The following ANKRD11 variants were observed in gnomAD, a reference collection of about 807,000 sequenced individuals.
ANKRD11 encodes ankyrin repeat domain-containing protein 11.
ANKRD11 carries 17 observed loss-of-function variants against 195.7 expected under a neutral mutation model. That is an observed-to-expected ratio of 0.09 (90% confidence interval 0.06 to 0.13). The LOEUF (loss-of-function observed/expected upper bound fraction) is 0.13. Ranked by LOEUF, ANKRD11 falls within the 10% of genes least tolerant of loss-of-function variation. ANKRD11 has a pLI of 1.00. For missense variants in ANKRD11, 3,735 were observed against 3,566.1 expected (o/e 1.05, Z -1.21); for synonymous variants, 1,953 against 1,528.1 (o/e 1.28, Z -6.49).
chr16:89,281,572 G>A lies in ANKRD11; in HGVS notation c.4970C>T (p.Ser1657Leu), dbSNP rs749114664. Reference protein sequence around the residue: ...PPFKDKKLKESTPIPPAAENK... With the variant: ...PPFKDKKLKELTPIPPAAENK... ...TTCCGCGGCAGGTGGAATAGGAGTCGACTCTTTGAGCTTTTTGTCTTTAAA... is the reference window on the plus strand; with the variant it reads ...TTCCGCGGCAGGTGGAATAGGAGTCAACTCTTTGAGCTTTTTGTCTTTAAA... The change falls in exon 9 of 13, where the codon TCG (serine) becomes TTG (leucine). Residue 1657 changes from serine (S) to leucine (L), a missense_variant. Coordinates refer to ENST00000301030, the MANE Select transcript of ANKRD11 (RefSeq NM_013275.6). The surrounding 1 kb of genome is among the most constrained non-coding windows in gnomAD (Gnocchi z 5.5). 1.1e-5 allele frequency: 18 copies of A among 1,614,058 alleles called. No homozygotes were observed. Among genetic ancestry groups the A allele is most frequent in the Middle Eastern group, 1.6e-4 (1 of 6,084 alleles).
intron 1 of ANKRD11, among the ~76,000 whole-genome samples, chr16:89,425,916 A>G (rs2042698419): frequency 6.6e-6 from 1 of 152,246 alleles, no homozygotes; most frequent in African/African-American, 2.4e-5. Flanking sequence ...GAATGTTCCC[A>G]AACAATTCTC....
rs909091797 is a variant in ANKRD11 at position 89,279,015 on chromosome 16, G to A, written c.7470+57C>T. On this transcript the variant is annotated intron_variant, in intron 9 of 12. Coordinates refer to ENST00000301030, the MANE Select transcript of ANKRD11 (RefSeq NM_013275.6). The surrounding 1 kb of genome is among the most constrained non-coding windows in gnomAD (Gnocchi z 5.6). Reference sequence around the variant, plus strand: ...CGGGCTGGAGGAAGCCGTGACTAGGGGCCCCAGACGCATCCCAGAGAGAGA... The same window carrying A: ...CGGGCTGGAGGAAGCCGTGACTAGGAGCCCCAGACGCATCCCAGAGAGAGA... 5 of 1,604,304 alleles carry A rather than the reference G, an allele frequency of 3.1e-6. No individual in the cohort carries two copies. The highest frequency in any genetic ancestry group is 4.3e-6 in the Non-Finnish European group (5 of 1,175,916).
intron 12 of ANKRD11, among the ~76,000 whole-genome samples, chr16:89,269,103 A>G (rs1438476605): frequency 2.6e-5 from 4 of 152,250 alleles, no homozygotes; most frequent in Admixed American, 2.0e-4. Context: ...GGGGTAGCAC[A>G]TATTTTGGAA....
At chr16:89,313,639 G>A (rs1325798733) in intron 3 of ANKRD11, 1 of 1,277,572 alleles carries the variant, frequency 7.8e-7, no homozygotes, top group African/African-American at 1.5e-5. Context: ...GGAGAAAAGG[G>A]AGTTTATGGT....
At chr16:89,384,362 C>T (rs2040797678) in intron 2 of ANKRD11, among the ~76,000 whole-genome samples, 1 of 152,188 alleles carries the variant, frequency 6.6e-6, no homozygotes, top group African/African-American at 2.4e-5. Flanking sequence ...GAAACCCCAT[C>T]TCTATGAAAA....
At chr16:89,300,713 GAA>G (rs1444241957) in intron 4 of ANKRD11, 1 of 539,536 alleles carries the variant, frequency 1.9e-6, no homozygotes, top group African/African-American at 2.0e-5. Flanking sequence ...ATGACGTCAG[GAA>G]AAGACTGAAG....
chr16:89,306,729 CCACCTCCCACTCCGCAGACACGCGCCACT>C lies in ANKRD11; in HGVS notation c.88-1414_88-1386del, dbSNP rs2036286000. Among the ~76,000 whole-genome samples, 41 of 12,680 alleles carry C rather than the reference CCACCTCCCACTCCGCAGACACGCGCCACT, an allele frequency of 3.2e-3. 2 individuals are homozygous for C. The highest frequency in any genetic ancestry group is 6.7e-3 in the African/African-American group (10 of 1,494). The allele number at this position is 12,680 out of a possible 152,430, so 8.3% of individuals were successfully genotyped here. A position where few individuals can be genotyped will look rare whatever the true frequency, so the allele number is the denominator to read the frequency against. On this transcript the variant is annotated intron_variant, in intron 3 of 12. Transcript: ENST00000301030. ...CTCCCACTCCGCAGACACGCGCCAC[CCACCTCCCACTCCGCAGACACGCGCCACT>C]TACCTCCCACTCCGCAGACACGCGC... is the stretch of plus-strand genomic sequence containing the variant.
rs2034392959 is a variant in ANKRD11 at position 89,283,037 on chromosome 16, CAGA to C, written c.3502_3504del (p.Ser1168del). ...TTCTGCCTCTCAGGGTGCTGCTTGT[CAGA>C]AGACTTCCTGTGTCTGTCGGAGGCA... On this transcript the variant is annotated inframe_deletion, in exon 9 of 13. Coordinates refer to ENST00000301030, the MANE Select transcript of ANKRD11 (RefSeq NM_013275.6). This position sits in a 1 kb window ranked among gnomAD's most constrained non-coding sequence, Gnocchi z 4.3. 1.2e-6 allele frequency: 2 copies of C among 1,613,884 alleles called. No homozygotes were observed. The highest frequency in any genetic ancestry group is 1.7e-6 in the Non-Finnish European group (2 of 1,180,022).
intron 2 of ANKRD11, among the ~76,000 whole-genome samples, chr16:89,404,426 G>T (rs1024115899): frequency 6.6e-6 from 1 of 152,214 alleles, no homozygotes; most frequent in Non-Finnish European, 1.5e-5. Context: ...TATGTCTCCT[G>T]CTAGGAAAAA....
At chr16:89,353,041 A>G (rs993053809) in intron 2 of ANKRD11, among the ~76,000 whole-genome samples, 1 of 152,238 alleles carries the variant, frequency 6.6e-6, no homozygotes, top group Non-Finnish European at 1.5e-5. Context: ...AGTTAAAATT[A>G]TAACAAGAGA....
Position 89,279,026 on chromosome 16 carries a change from C to A in ANKRD11, c.7470+46G>T, listed in dbSNP as rs2033923324. The stretch of plus-strand genomic sequence containing the variant: ...AAGCCGTGACTAGGGGCCCCAGACG[C>A]ATCCCAGAGAGAGAAGGCAGTGGCT... On this transcript the variant is annotated intron_variant, in intron 9 of 12. Transcript: ENST00000301030. The surrounding 1 kb of genome is among the most constrained non-coding windows in gnomAD (Gnocchi z 5.6). 1.2e-6 allele frequency: 2 copies of A among 1,610,312 alleles called. No homozygotes were observed. The highest frequency in any genetic ancestry group is 1.7e-6 in the Non-Finnish European group (2 of 1,178,478).
At chr16:89,374,360 AT>A (rs899326115) in intron 2 of ANKRD11, among the ~76,000 whole-genome samples, 10 of 151,664 alleles carry the variant, frequency 6.6e-5, no homozygotes, top group Non-Finnish European at 1.5e-4. Flanking sequence ...AATAATAATA[AT>A]CACACTCACC....
chr16:89,450,975 G>A (rs1440746591), intron 1 of ANKRD11, among the ~76,000 whole-genome samples: 1 of 152,162 alleles, frequency 6.6e-6, no homozygotes, highest in Non-Finnish European at 1.5e-5. Flanking sequence ...CTAAATCAGA[G>A]GTGATCGGGG....
At chr16:89,420,237 G>A (rs1210385264) in intron 1 of ANKRD11, 1 of 152,224 alleles carries the variant, frequency 6.6e-6, no homozygotes, top group Non-Finnish European at 1.5e-5. Context: ...AGCCAGCGAG[G>A]AACCCCAGCA....
intron 1 of ANKRD11, among the ~76,000 whole-genome samples, chr16:89,459,740 C>A (rs1404379950): frequency 6.6e-6 from 1 of 152,162 alleles, no homozygotes; most frequent in East Asian, 1.9e-4. Context: ...AAGAGGATTT[C>A]TTGAGGCGTC....
chr16:89,402,300 A>G (rs2152168587), intron 2 of ANKRD11, among the ~76,000 whole-genome samples: 1 of 152,314 alleles, frequency 6.6e-6, no homozygotes, highest in South Asian at 2.1e-4. Flanking sequence ...GGCTTGTCTC[A>G]GCGATACTAA....
chr16:89,406,397 G>A (rs1050602764), intron 2 of ANKRD11, among the ~76,000 whole-genome samples: 5 of 152,174 alleles, frequency 3.3e-5, no homozygotes, highest in Admixed American at 6.5e-5. Flanking sequence ...AACACCAGCC[G>A]GCGCGCTCTG....
rs895043666 is a variant in ANKRD11, at chr16:89,282,363, T to C, written c.4179A>G (p.Glu1393=). Residue 1393 remains glutamate (E), a synonymous_variant, in exon 9 of 13, where the codon GAA becomes GAG. Coordinates refer to ENST00000301030, the MANE Select transcript of ANKRD11 (RefSeq NM_013275.6). ...GGSRKDSGQY[E]KDFLEADAYG... ...AAGCATCCGCCTCCAGGAAGTCCTT[T>C]TCGTACTGGCCGGAGTCCTTCCTGC... 1 of 1,614,198 alleles carries C rather than the reference T, an allele frequency of 6.2e-7. No homozygotes were observed. Among genetic ancestry groups the C allele is most frequent in the Non-Finnish European group, 8.5e-7 (1 of 1,180,032 alleles).
At chr16:89,315,703 A>G (rs1342519757) in intron 3 of ANKRD11, among the ~76,000 whole-genome samples, 1 of 152,236 alleles carries the variant, frequency 6.6e-6, no homozygotes, top group African/African-American at 2.4e-5. Context: ...CCCAGACATC[A>G]AGGGTCTCAG....
Sources: allele counts gnomAD v4.1 joint callset (sites outside exome capture counted in the v4.1 genomes callset), GRCh38; gene constraint gnomAD v4.1.1; non-coding constraint Gnocchi (gnomAD v3.1); transcripts MANE v1.5; gene names NCBI Gene and HGNC (gene_info 2026-07-23, HGNC 2026-07-21).